The following ZFHX3 variants were observed in gnomAD, a reference collection of about 807,000 sequenced individuals.
The protein encoded by ZFHX3 is zinc finger homeobox protein 3.
A neutral mutation model predicts 279.1 loss-of-function variants in ZFHX3; 42 were observed. The ratio of observed to expected loss-of-function variants is 0.15; its 90% CI spans 0.12 to 0.19. The LOEUF is 0.19. Among genes scored for constraint, ZFHX3 ranks in the 10% least tolerant of loss-of-function variants. The pLI, the probability that ZFHX3 is intolerant of heterozygous loss-of-function variation, is 1.00. For synonymous variants in ZFHX3, 2,293 were observed against 1,957.8 expected, an observed-to-expected ratio of 1.17 and a Z score of -4.52; for missense variants, 4,981 against 4,754.0, an observed-to-expected ratio of 1.05 and a Z score of -1.40.
chr16:73,365,370 T>C (rs2016512541), intron 3 of ZFHX3, among the ~76,000 whole-genome samples: 1 of 152,218 alleles, frequency 6.6e-6, no homozygotes, highest in Non-Finnish European at 1.5e-5. Flanking sequence ...CAAATATTTA[T>C]TGAGTGTCTA....
chr16:72,795,352 G>C lies in ZFHX3; in HGVS notation c.7330C>G (p.Gln2444Glu). Residue 2444 changes from glutamine (Q) to glutamate (E), a missense_variant, in exon 9 of 10, where the codon CAA becomes GAA. Physicochemically the swap from Gln to Glu is conservative, Grantham distance 29. Transcript: ENST00000268489. ...GGCTTTGGTTGTCCTTGCTTTTCTT[G>C]GGTTTGGTTTGGCTGTGCACTGGGA... ...EAPSAQPNQT[Q>E]EKQGQPKPEL... 6.2e-7 allele frequency: 1 copy of C among 1,614,090 alleles called. No homozygotes were observed. The highest frequency in any genetic ancestry group is 8.5e-7 in the Non-Finnish European group (1 of 1,180,030).
chr16:72,883,002 G>C (rs1355700156), intron 4 of ZFHX3, among the ~76,000 whole-genome samples: 1 of 137,746 alleles, frequency 7.3e-6, no homozygotes, highest in Non-Finnish European at 1.6e-5. Flanking sequence ...GTGTGTGTGT[G>C]TGTGTGTGTG....
chr16:73,070,946 A>G (rs1366356463), intron 8 of ZFHX3, among the ~76,000 whole-genome samples: 3 of 129,768 alleles, frequency 2.3e-5, no homozygotes, highest in African/African-American at 8.4e-5. Context: ...GCGCACACAC[A>G]CACACACACA....
intron 3 of ZFHX3, among the ~76,000 whole-genome samples, chr16:72,897,692 C>T (rs1246579939): frequency 7.9e-5 from 12 of 152,198 alleles, no homozygotes; most frequent in Admixed American, 7.2e-4. Context: ...CCTCCCACTT[C>T]AGCCTCCCAA....
At chr16:73,568,184 G>A (rs2020476560) in intron 2 of ZFHX3, among the ~76,000 whole-genome samples, 1 of 152,100 alleles carries the variant, frequency 6.6e-6, no homozygotes, top group South Asian at 2.1e-4. Flanking sequence ...CTTTACGTTT[G>A]TTTTCTTAGG....
chr16:73,282,430 T>C (rs1025176930), intron 4 of ZFHX3, among the ~76,000 whole-genome samples: 2 of 152,214 alleles, frequency 1.3e-5, no homozygotes, highest in Non-Finnish European at 2.9e-5. Flanking sequence ...TATCTCTTTG[T>C]TTTAGGGAAT....
At chr16:73,618,349 A>G (rs1460458698) in intron 2 of ZFHX3, among the ~76,000 whole-genome samples, 2 of 152,176 alleles carry the variant, frequency 1.3e-5, no homozygotes, top group Non-Finnish European at 2.9e-5. Context: ...GATAGATAAG[A>G]TTCAGGAGAT....
rs144457764 is a variant in ZFHX3 at position 73,769,631 on chromosome 16, A to G, written c.-1607-89391T>C. Among the ~76,000 whole-genome samples the G allele has an allele frequency of 2.6e-3, 394 of 152,326 alleles. 4 individuals are homozygous for G. Among genetic ancestry groups the G allele is most frequent in the African/African-American group, 9.3e-3 (388 of 41,576 alleles). On this transcript the variant is annotated intron_variant, in intron 1 of 17. Transcript: ENST00000641206. ...CTATTACAGCTAAAAAGTGACTTAA[A>G]ATGTAAAATGGGAATTTCTACCTTT... is the stretch of plus-strand genomic sequence containing the variant.
intron 2 of ZFHX3, among the ~76,000 whole-genome samples, chr16:73,658,002 A>T (rs2142172244): frequency 6.6e-6 from 1 of 152,336 alleles, no homozygotes; most frequent in Non-Finnish European, 1.5e-5. Flanking sequence ...TTTGACTGTA[A>T]GTCAGAAGAC....
At chr16:72,846,429 G>C (rs1343180451) in intron 4 of ZFHX3, among the ~76,000 whole-genome samples, 1 of 151,244 alleles carries the variant, frequency 6.6e-6, no homozygotes, top group Non-Finnish European at 1.5e-5. Flanking sequence ...AGCTCAGAGA[G>C]GTCTTGGGCA....
rs576855809 is a variant in ZFHX3 at position 73,529,401 on chromosome 16, G to A, written c.-1546-73143C>T. Among the ~76,000 whole-genome samples the A allele has an allele frequency of 8.5e-5, 13 of 152,266 alleles. No individual in the cohort carries two copies. The South Asian group carries it at 2.1e-3, about 24-fold the overall frequency. On this transcript the variant is annotated intron_variant, in intron 2 of 17. Coordinates refer to the ZFHX3 transcript ENST00000641206. ...TCCGTTCTAGAGAAGCCAATTCAGC[G>A]GGTTTCACTCATGTGATGTGTTCAA...
intron 3 of ZFHX3, among the ~76,000 whole-genome samples, chr16:73,374,506 G>A (rs1380324492): frequency 6.6e-6 from 1 of 152,102 alleles, no homozygotes; most frequent in Non-Finnish European, 1.5e-5. Context: ...CTAAAACAAT[G>A]ATACAGTTTA....
intron 7 of ZFHX3, among the ~76,000 whole-genome samples, chr16:73,102,727 G>A (rs1424789296): frequency 3.3e-5 from 5 of 152,134 alleles, no homozygotes; most frequent in African/African-American, 4.8e-5. Context: ...CTTATTGGAC[G>A]ATCTTTGATA....
chr16:73,470,301 C>G (rs182695378), intron 2 of ZFHX3, among the ~76,000 whole-genome samples: 1 of 152,244 alleles, frequency 6.6e-6, no homozygotes. Flanking sequence ...AAGCCCGTCC[C>G]GGACAGAAAC....
At chr16:73,451,982 C>G (rs1180987943) in intron 3 of ZFHX3, among the ~76,000 whole-genome samples, 2 of 152,074 alleles carry the variant, frequency 1.3e-5, no homozygotes, top group East Asian at 3.8e-4. Flanking sequence ...GAGATGAGGG[C>G]TACATACTGT....
chr16:72,887,461 C>A (rs925113019), intron 4 of ZFHX3, among the ~76,000 whole-genome samples: 1 of 151,988 alleles, frequency 6.6e-6, no homozygotes, highest in Non-Finnish European at 1.5e-5. Flanking sequence ...ATTAATATAA[C>A]CCCCAATTAT....
intron 7 of ZFHX3, among the ~76,000 whole-genome samples, chr16:73,122,857 C>T (rs1158303884): frequency 6.6e-6 from 1 of 152,168 alleles, no homozygotes; most frequent in East Asian, 1.9e-4. Flanking sequence ...AAGGAGAGCC[C>T]AGGCTGGATG....
At chr16:73,888,804 G>C (rs941674757) in intron 1 of ZFHX3, among the ~76,000 whole-genome samples, 1 of 152,036 alleles carries the variant, frequency 6.6e-6, no homozygotes, top group Non-Finnish European at 1.5e-5. Flanking sequence ...AGAGAGGCTG[G>C]GGTCCACCTT....
chr16:73,173,390 T>C (rs1967586279), intron 5 of ZFHX3, among the ~76,000 whole-genome samples: 1 of 143,880 alleles, frequency 7.0e-6, no homozygotes, highest in Admixed American at 6.9e-5. Flanking sequence ...CCCGGCATAT[T>C]TGTCCTCTCT....
Sources: gnomAD v4.1 joint callset for allele counts (sites outside exome capture counted in the v4.1 genomes callset) on GRCh38, gnomAD v4.1.1 for gene constraint, MANE v1.5 for transcripts, NCBI Gene and HGNC (gene_info 2026-07-23, HGNC 2026-07-21) for gene names.